Variants in RGS8 observed in about 807,000 individuals in gnomAD.
The protein encoded by RGS8 is regulator of G-protein signaling 8.
A neutral mutation model predicts 21.7 loss-of-function variants in RGS8; 8 were observed. The observed-to-expected ratio is 0.37, with a 90% confidence interval of 0.22 to 0.66. The LOEUF is 0.66. RGS8 is among the 30% of genes least tolerant of loss of function. The pLI, the probability that RGS8 is intolerant of heterozygous loss-of-function variation, is 0.59. For synonymous variants in RGS8, 80 were observed against 83.6 expected (o/e 0.96, Z 0.24); for missense variants, 157 against 217.9 (o/e 0.72, Z 1.76).
the RGS8 span, among the ~76,000 whole-genome samples, chr1:182,744,303 A>T: frequency 6.6e-6 from 1 of 151,918 alleles, no homozygotes; most frequent in Non-Finnish European, 1.5e-5. Context: ...AAAAAAAAAA[A>T]TTGTGGAGAT....
At chr1:182,736,894 C>G in the RGS8 span, among the ~76,000 whole-genome samples, 1 of 152,184 alleles carries the variant, frequency 6.6e-6, no homozygotes, top group African/African-American at 2.4e-5. Context: ...TGGCAAGGGA[C>G]TAAGGGCAGT....
intron 5 of RGS8, among the ~76,000 whole-genome samples, 189 bp from the exon 7 acceptor site, chr1:182,648,492 G>A (rs1662812641): frequency 6.6e-6 from 1 of 152,124 alleles, no homozygotes; most frequent in African/African-American, 2.4e-5. Context: ...TCAGCACTTT[G>A]GGAGGCCGAG....
At chr1:182,741,143 G>T in the RGS8 span, among the ~76,000 whole-genome samples, 19 of 135,400 alleles carry the variant, frequency 1.4e-4, no homozygotes, top group South Asian at 1.2e-3. Flanking sequence ...GGGCAGAGGC[G>T]CCCCTCACCT....
intron 1 of RGS8, among the ~76,000 whole-genome samples, chr1:182,681,443 C>T (rs1664531964): frequency 6.6e-6 from 1 of 152,210 alleles, no homozygotes; most frequent in African/African-American, 2.4e-5. Flanking sequence ...CTTTCTAATC[C>T]TCCATTTTTA....
chr1:182,696,004 C>T, the RGS8 span, among the ~76,000 whole-genome samples: 1 of 152,210 alleles, frequency 6.6e-6, no homozygotes, highest in Non-Finnish European at 1.5e-5. Context: ...TCTAAACCTT[C>T]TGCTGGGGAG....
At chr1:182,713,428 C>G in the RGS8 span, among the ~76,000 whole-genome samples, 1 of 152,192 alleles carries the variant, frequency 6.6e-6, no homozygotes, top group Non-Finnish European at 1.5e-5. Flanking sequence ...CAGTGATCTG[C>G]CTGCCTCAGC....
At chr1:182,686,801 C>T (rs565370988), upstream of RGS8, among the ~76,000 whole-genome samples, 18 of 152,082 alleles carry the variant, frequency 1.2e-4, no homozygotes, top group South Asian at 3.5e-3. Context: ...CACCCAAGGA[C>T]AGCAAGAGAA....
chr1:182,670,932 G>C (rs1182166111), intron 2 of RGS8, among the ~76,000 whole-genome samples: 1 of 152,170 alleles, frequency 6.6e-6, no homozygotes, highest in South Asian at 2.1e-4. Context: ...TAGAAGTCAT[G>C]TTTGGGGCAC....
chr1:182,689,593 T>C, the RGS8 span, among the ~76,000 whole-genome samples: 1 of 151,880 alleles, frequency 6.6e-6, no homozygotes, highest in Non-Finnish European at 1.5e-5. Context: ...AGAAAGTAAA[T>C]AGACAGCAGA....
chr1:182,666,959 C>G (rs1663895863), exon 4 of RGS8: 3 of 1,613,810 alleles, frequency 1.9e-6, no homozygotes, highest in Non-Finnish European at 2.5e-6. Context: ...CAGTCGAGTC[C>G]TCATCCCTTT....
chr1:182,736,480 T>G, the RGS8 span, among the ~76,000 whole-genome samples: 1 of 152,202 alleles, frequency 6.6e-6, no homozygotes, highest in South Asian at 2.1e-4. Flanking sequence ...TTTAGTAGAA[T>G]TGGGTTAGGC....
chr1:182,673,041 G>A, upstream of RGS8: 4 of 607,386 alleles, frequency 6.6e-6, no homozygotes, highest in Non-Finnish European at 8.8e-6. Context: ...GCATGCTAAA[G>A]TTTGCAAACC....
upstream of RGS8, among the ~76,000 whole-genome samples, chr1:182,677,110 T>C (rs1364201241): frequency 6.6e-6 from 1 of 152,206 alleles, no homozygotes; most frequent in Non-Finnish European, 1.5e-5. Context: ...TTAGACTGAC[T>C]GGAAAAGAAA....
chr1:182,646,226 C>G, exon 7 of RGS8: 1 of 152,860 alleles, frequency 6.5e-6, no homozygotes, highest in Non-Finnish European at 1.5e-5. Context: ...GAACTAGAAA[C>G]CTGGAATTCC....
chr1:182,655,733 C>T (rs1289282204), intron 5 of RGS8, among the ~76,000 whole-genome samples: 4 of 152,322 alleles, frequency 2.6e-5, no homozygotes, highest in African/African-American at 7.2e-5. Context: ...GCACTCTGTT[C>T]GGTGTCCTCA....
intron 6 of RGS8, among the ~76,000 whole-genome samples, chr1:182,647,521 ACCCTC>A (rs1360415430): frequency 6.6e-6 from 1 of 152,210 alleles, no homozygotes; most frequent in Non-Finnish European, 1.5e-5. Context: ...CTTCATTTAA[ACCCTC>A]CCCTCCCAAG....
chr1:182,745,549 A>G, the RGS8 span, among the ~76,000 whole-genome samples: 2 of 152,350 alleles, frequency 1.3e-5, no homozygotes, highest in African/African-American at 4.8e-5. Flanking sequence ...ATTATTTACA[A>G]TCATTTCATA....
the RGS8 span, among the ~76,000 whole-genome samples, chr1:182,747,041 G>GTTTTTTT: frequency 2.7e-4 from 7 of 26,184 alleles, no homozygotes; most frequent in Admixed American, 5.5e-4. Context: ...AACACTGCTG[G>GTTTTTTT]TCTTTTTTTT....
upstream of RGS8, among the ~76,000 whole-genome samples, chr1:182,689,128 T>C (rs1450117181): frequency 1.3e-5 from 2 of 152,124 alleles, no homozygotes; most frequent in East Asian, 1.9e-4. Flanking sequence ...AAAAACGGTA[T>C]AGAGATATAG....
Sources: allele counts gnomAD v4.1 joint callset (sites outside exome capture counted in the v4.1 genomes callset), GRCh38; gene constraint gnomAD v4.1.1; transcripts MANE v1.5; gene names NCBI Gene and HGNC (gene_info 2026-07-23, HGNC 2026-07-21).